Variants in TRAPPC3L observed in about 807,000 individuals in gnomAD.
TRAPPC3L encodes trafficking protein particle complex subunit 3-like protein.
Under a neutral mutation model 23.7 loss-of-function variants are expected in TRAPPC3L, and 23 were observed. The observed-to-expected ratio is 0.97, with a 90% CI of 0.70 to 1.37. TRAPPC3L has a LOEUF of 1.37. Ranked by LOEUF, TRAPPC3L falls within the 40% of genes most tolerant of loss-of-function variation. The pLI, the probability that TRAPPC3L is intolerant of heterozygous loss-of-function variation, is 0.00. For synonymous variants in TRAPPC3L, 81 were observed against 77.9 expected, an observed-to-expected ratio of 1.04 and a Z score of -0.21; for missense variants, 212 against 216.8, an observed-to-expected ratio of 0.98 and a Z score of 0.14.
intron 4 of TRAPPC3L, among the ~76,000 whole-genome samples, chr6:116,498,840 C>G: frequency 6.6e-6 from 1 of 152,086 alleles, no homozygotes; most frequent in East Asian, 1.9e-4. Flanking sequence ...TCTTGGTATC[C>G]TTTTCAGCCT....
intron 3 of TRAPPC3L, chr6:116,512,213 C>G (rs1255866518): frequency 1.2e-6 from 2 of 1,602,822 alleles, no homozygotes; most frequent in Admixed American, 1.7e-5. Context: ...AGAACTGAAA[C>G]TCTCCCTTCA....
intron 1 of TRAPPC3L, among the ~76,000 whole-genome samples, 199 bp downstream of exon 1, chr6:116,545,274 G>A (rs1019827440): frequency 1.3e-5 from 2 of 151,994 alleles, no homozygotes; most frequent in Non-Finnish European, 2.9e-5. Context: ...ACCTTAAAGT[G>A]TGTATAAAGA....
intron 3 of TRAPPC3L, among the ~76,000 whole-genome samples, chr6:116,508,165 T>C (rs1260244504): frequency 6.6e-6 from 1 of 152,244 alleles, no homozygotes; most frequent in Non-Finnish European, 1.5e-5. Context: ...AGATTCCTTA[T>C]TCATTCTTCA....
chr6:116,516,156 G>T, intron 3 of TRAPPC3L: 1 of 850,184 alleles, frequency 1.2e-6, no homozygotes, highest in Non-Finnish European at 1.7e-6. Flanking sequence ...TGGAACATCA[G>T]GATGTGCTCA....
rs1771816780 is a variant in TRAPPC3L, at chr6:116,495,192, C to T, written c.*1762G>A. The T allele has an allele frequency of 1.3e-5, 2 of 151,036 alleles. No homozygotes were observed. The highest frequency in any genetic ancestry group is 4.9e-5 in the African/African-American group (2 of 40,978). The allele number at this position is 151,036 out of a possible 1,614,324, so 9.4% of individuals were successfully genotyped here. On this transcript the variant is annotated 3_prime_UTR_variant, in exon 5 of 5. Transcript: ENST00000368602. ...ACTACCCTTCCCAGCCTCTGATATC[C>T]ATCATTTTACTCCATATCTCCATGA...
intron 3 of TRAPPC3L, among the ~76,000 whole-genome samples, chr6:116,501,439 A>G (rs2115154446): frequency 6.6e-6 from 1 of 152,368 alleles, no homozygotes; most frequent in East Asian, 1.9e-4. Flanking sequence ...GGGGCAGGGC[A>G]TATCTGAACA....
In TRAPPC3L at chr6:116,540,469, A is replaced by T. The variant is rs950014685; in HGVS notation, c.141-7T>A. 1.3e-6 allele frequency: 2 copies of T among 1,550,584 alleles called. No individual in the cohort carries two copies. Among genetic ancestry groups the T allele is most frequent in the African/African-American group, 2.7e-5 (2 of 72,970 alleles). On this transcript the variant is annotated splice_polypyrimidine_tract_variant and splice_region_variant and intron_variant, in intron 2 of 4. Transcript: ENST00000368602. The stretch of plus-strand genomic sequence containing the variant: ...CGTTCCAATGCCGTAACCCCTGTGG[A>T]TGACGGAAAGAGTGTGGTCTGAAAA...
At chr6:116,530,931 A>ATATATATG (rs59690782) in intron 3 of TRAPPC3L, among the ~76,000 whole-genome samples, 1 of 143,738 alleles carries the variant, frequency 7.0e-6, no homozygotes, top group East Asian at 2.0e-4. Flanking sequence ...ATATATATAT[A>ATATATATG]TATATATATA....
At chr6:116,507,458 T>C (rs1267004406) in intron 3 of TRAPPC3L, among the ~76,000 whole-genome samples, 2 of 152,220 alleles carry the variant, frequency 1.3e-5, no homozygotes, top group Non-Finnish European at 2.9e-5. Flanking sequence ...AAGTTTAAAA[T>C]TGTGCTTCTG....
intron 3 of TRAPPC3L, among the ~76,000 whole-genome samples, chr6:116,501,123 T>C (rs1771905921): frequency 6.6e-6 from 1 of 152,214 alleles, no homozygotes; most frequent in Non-Finnish European, 1.5e-5. Flanking sequence ...GGAGGAACTG[T>C]ACACTTCTGC....
chr6:116,497,367 CAGA>C (rs1272315013), intron 4 of TRAPPC3L, among the ~76,000 whole-genome samples: 2 of 152,166 alleles, frequency 1.3e-5, no homozygotes, highest in African/African-American at 4.8e-5. Context: ...GATCCATCTT[CAGA>C]AGAACACAAA....
chr6:116,520,746 G>A lies in TRAPPC3L; in HGVS notation c.240+19617C>T, dbSNP rs566879788. 2.0e-5 allele frequency: 3 copies of A among 152,622 alleles called. No individual in the cohort carries two copies. In the South Asian group the frequency reaches 6.2e-4, roughly 32 times the overall value. 9.5% of individuals were successfully genotyped at this position (152,622 alleles called of 1,614,324 possible). ...GAGTCAGTGAAGGTGGTGAGGGGCT[G>A]TGAGGTTGAAATATTGGAAATGTTA... On this transcript the variant is annotated intron_variant, in intron 3 of 4. Coordinates refer to ENST00000368602, the MANE Select transcript of TRAPPC3L (RefSeq NM_001139444.3).
intron 2 of TRAPPC3L, among the ~76,000 whole-genome samples, chr6:116,541,485 A>G (rs961891978): frequency 9.8e-5 from 15 of 152,308 alleles, no homozygotes; most frequent in African/African-American, 3.6e-4. Flanking sequence ...CTCTAAAAAG[A>G]GATGAAATCT....
chr6:116,513,976 G>C (rs1233130167), intron 3 of TRAPPC3L, among the ~76,000 whole-genome samples: 1 of 152,134 alleles, frequency 6.6e-6, no homozygotes, highest in Non-Finnish European at 1.5e-5. Flanking sequence ...CACTTACTTT[G>C]GAGAGTTGTC....
chr6:116,539,182 T>C (rs900510924), intron 3 of TRAPPC3L, among the ~76,000 whole-genome samples: 2 of 152,238 alleles, frequency 1.3e-5, no homozygotes, highest in African/African-American at 2.4e-5. Context: ...CTGGTATTCT[T>C]GTAGTATTGC....
chr6:116,498,378 T>A (rs936717849), intron 4 of TRAPPC3L, among the ~76,000 whole-genome samples: 4 of 152,202 alleles, frequency 2.6e-5, no homozygotes, highest in Non-Finnish European at 5.9e-5. Flanking sequence ...GCATGGAGAA[T>A]CTGTGTGAAC....
intron 3 of TRAPPC3L, chr6:116,520,066 A>T (rs1423236470): frequency 2.0e-5 from 3 of 152,216 alleles, no homozygotes; most frequent in Non-Finnish European, 4.4e-5. Context: ...AGCAACTTTT[A>T]AAATTTTTGT....
chr6:116,544,071 C>T (rs894619771), intron 1 of TRAPPC3L, among the ~76,000 whole-genome samples: 5 of 150,718 alleles, frequency 3.3e-5, no homozygotes, highest in Admixed American at 6.6e-5. Context: ...GAAAAGTCTG[C>T]TCAACATATA....
At chr6:116,515,494 T>A in intron 3 of TRAPPC3L, 1 of 1,130,344 alleles carries the variant, frequency 8.8e-7, no homozygotes. Flanking sequence ...AAATGAGGTA[T>A]GTCAAAGACT....
Sources: gnomAD v4.1 joint callset for allele counts (sites outside exome capture counted in the v4.1 genomes callset) on GRCh38, gnomAD v4.1.1 for gene constraint, MANE v1.5 for transcripts, NCBI Gene and HGNC (gene_info 2026-07-23, HGNC 2026-07-21) for gene names.